MCF2L: variants seen among roughly 807,000 people sequenced by gnomAD.
MCF2L encodes guanine nucleotide exchange factor DBS.
MCF2L carries 97 observed loss-of-function variants against 153.4 expected under a neutral mutation model. The observed-to-expected ratio is 0.63, with a 90% confidence interval of 0.54 to 0.75. MCF2L has a LOEUF of 0.75. MCF2L is among the 30% of genes least tolerant of loss of function. The pLI, the probability that MCF2L is intolerant of heterozygous loss-of-function variation, is 0.00. For synonymous variants in MCF2L, 659 were observed against 632.2 expected (o/e 1.04, Z -0.64); for missense variants, 1,347 against 1,495.2 (o/e 0.90, Z 1.64).
intron 26 of MCF2L, among the ~76,000 whole-genome samples, chr13:113,091,417 G>A (rs902918799): frequency 2.0e-5 from 3 of 152,246 alleles, no homozygotes; most frequent in African/African-American, 7.2e-5. Flanking sequence ...TCTATCTGGA[G>A]CCTGCGGAAC....
intron 1 of MCF2L, among the ~76,000 whole-genome samples, chr13:112,898,147 G>T (rs544878872): frequency 1.3e-5 from 2 of 152,214 alleles, no homozygotes; most frequent in Non-Finnish European, 2.9e-5. Context: ...AGTGGAAGCC[G>T]TGTGGCAGCG....
At chr13:113,055,370 C>CA (rs1555376510) in intron 4 of MCF2L, among the ~76,000 whole-genome samples, 5 of 13,512 alleles carry the variant, frequency 3.7e-4, no homozygotes, top group Admixed American at 6.8e-4. Flanking sequence ...GAGACGTGGA[C>CA]CCCCCCCCCC....
chr13:112,917,722 C>T lies in MCF2L; in HGVS notation c.169+15351C>T, dbSNP rs1420602596. On this transcript the variant is annotated intron_variant, in intron 2 of 29. Coordinates refer to the MCF2L transcript ENST00000375608. ...TGGTGTCTTCCTGTTCAGCTCTGAC[C>T]TGGAGGTACTTCCACTGGATGGGTA... 3.9e-5 allele frequency among the ~76,000 whole-genome samples: 6 copies of T among 152,356 alleles called. No homozygotes were observed. The East Asian group carries it at 1.2e-3, about 29-fold the overall frequency.
rs751395235 is a variant in MCF2L at position 113,028,864 on chromosome 13, C to T, written c.278+4106C>T. Among the ~76,000 whole-genome samples the T allele has an allele frequency of 4.8e-5, 7 of 145,986 alleles. No homozygotes were observed. Among genetic ancestry groups the T allele is most frequent in the Non-Finnish European group, 9.0e-5 (6 of 66,306 alleles). ...GAGTGTGTGGTGTGTGTGGCGTGTG[C>T]GGGGTGTGTGTGGGGTATGTGTGGT... On this transcript the variant is annotated intron_variant, in intron 3 of 29. Transcript: ENST00000535094. This position sits in a 1 kb window ranked among gnomAD's most constrained non-coding sequence, Gnocchi z 5.4.
rs572651355 is a variant in MCF2L, at chr13:112,915,123, A to G, written c.169+12752A>G. Among the ~76,000 whole-genome samples the G allele has an allele frequency of 1.2e-4, 19 of 152,146 alleles. 1 individual carries two copies. Among genetic ancestry groups the G allele is most frequent in the African/African-American group, 3.9e-4 (16 of 41,492 alleles). ...CCTAACATCGTTCATCAAAATCTCC[A>G]TGTTGGCCGGGCGTGGTGGCTCAAG... On this transcript the variant is annotated intron_variant, in intron 2 of 29. Coordinates refer to the MCF2L transcript ENST00000375608.
intron 4 of MCF2L, among the ~76,000 whole-genome samples, chr13:113,059,152 G>A (rs2030932187): frequency 6.6e-6 from 1 of 152,226 alleles, no homozygotes; most frequent in South Asian, 2.1e-4. Context: ...GTTGGAACTT[G>A]GGGTGCGCGA....
chr13:112,958,866 C>T (rs953648634), intron 2 of MCF2L, among the ~76,000 whole-genome samples: 26 of 152,158 alleles, frequency 1.7e-4, no homozygotes, highest in African/African-American at 4.8e-4. Flanking sequence ...GAGACCCTCC[C>T]GCACAGGGTC....
chr13:113,058,917 G>GTGTTTCGGCAC (rs2030857105), intron 4 of MCF2L, among the ~76,000 whole-genome samples: 2 of 148,574 alleles, frequency 1.3e-5, no homozygotes, highest in African/African-American at 5.0e-5. Flanking sequence ...TAGGTGCTGA[G>GTGTTTCGGCAC]TGTTTGGGTG....
intron 3 of MCF2L, among the ~76,000 whole-genome samples, chr13:113,041,622 T>TA (rs1483886358): frequency 2.0e-5 from 3 of 152,152 alleles, no homozygotes; most frequent in Non-Finnish European, 4.4e-5. Context: ...GAGGAGGTGC[T>TA]AGGGGCTCTT....
At chr13:112,954,454 A>G (rs2081733225) in intron 2 of MCF2L, among the ~76,000 whole-genome samples, 1 of 152,222 alleles carries the variant, frequency 6.6e-6, no homozygotes, top group African/African-American at 2.4e-5. Context: ...TGCGATGTGG[A>G]GGACCTGCGG....
rs9603992 is a variant in MCF2L at position 112,904,285 on chromosome 13, C to A, written c.169+1914C>A. Among the ~76,000 whole-genome samples, 1 of 151,908 alleles carries A rather than the reference C, an allele frequency of 6.6e-6. No homozygotes were observed. Among genetic ancestry groups the A allele is most frequent in the Non-Finnish European group, 1.5e-5 (1 of 67,962 alleles). On this transcript the variant is annotated intron_variant, in intron 2 of 29. Transcript: ENST00000375608. The surrounding 1 kb of genome is among the most constrained non-coding windows in gnomAD (Gnocchi z 4.2). ...ACCAAGTGCTCCTATTATTTCTCAA[C>A]GTACCGAGCTCTCCCAGGCTCAGGA...
At chr13:112,936,124 A>C (rs1315488076) in intron 2 of MCF2L, among the ~76,000 whole-genome samples, 1 of 152,104 alleles carries the variant, frequency 6.6e-6, no homozygotes, top group Non-Finnish European at 1.5e-5. Flanking sequence ...TACTAAAAAT[A>C]CAAAAATTAG....
chr13:112,913,691 T>A (rs1265406602), intron 2 of MCF2L, among the ~76,000 whole-genome samples: 1 of 151,946 alleles, frequency 6.6e-6, no homozygotes, highest in Non-Finnish European at 1.5e-5. Flanking sequence ...GCCCCAGGGC[T>A]TAGTGCCCTG....
rs2085370862 is a variant in MCF2L, at chr13:113,027,257, T to C, written c.278+2499T>C. On this transcript the variant is annotated intron_variant, in intron 3 of 29. Coordinates refer to ENST00000535094, the MANE Select transcript of MCF2L (RefSeq NM_001112732.3). The surrounding 1 kb of genome is among the most constrained non-coding windows in gnomAD (Gnocchi z 4.8). ...TCGGCCTGACCTGGAAAGCAGCACA[T>C]TGATCCCCTGATAAATATCACATAA... 6.6e-6 allele frequency among the ~76,000 whole-genome samples: 1 copy of C among 152,082 alleles called. No individual in the cohort carries two copies. Among genetic ancestry groups the C allele is most frequent in the African/African-American group, 2.4e-5 (1 of 41,396 alleles).
intron 1 of MCF2L, among the ~76,000 whole-genome samples, chr13:112,997,453 G>A (rs1328637517): frequency 6.6e-6 from 1 of 152,208 alleles, no homozygotes; most frequent in Non-Finnish European, 1.5e-5. Context: ...GCAGAGTGGG[G>A]GGCATGGGTG....
At chr13:112,908,620 G>A (rs778531130) in intron 2 of MCF2L, among the ~76,000 whole-genome samples, 7 of 152,122 alleles carry the variant, frequency 4.6e-5, no homozygotes, top group Non-Finnish European at 7.4e-5. Flanking sequence ...GATTAAAGTC[G>A]GATTTCTCCT....
chr13:112,914,043 G>A (rs1050187448), intron 2 of MCF2L, among the ~76,000 whole-genome samples: 4 of 152,168 alleles, frequency 2.6e-5, no homozygotes, highest in Admixed American at 1.3e-4. Flanking sequence ...CCCCCTGTGA[G>A]CCAGCCTGGG....
At chr13:113,021,194 G>A (rs2084863899) in intron 2 of MCF2L, among the ~76,000 whole-genome samples, 1 of 152,036 alleles carries the variant, frequency 6.6e-6, no homozygotes, top group African/African-American at 2.4e-5. Context: ...ATGTATCTGT[G>A]TATAGCTGTG....
At chr13:112,940,447 CG>C (rs1329854110) in intron 2 of MCF2L, among the ~76,000 whole-genome samples, 2 of 152,194 alleles carry the variant, frequency 1.3e-5, no homozygotes, top group East Asian at 3.9e-4. Context: ...AGTCACTTCC[CG>C]TGGTCGGGTG....
Sources: allele counts gnomAD v4.1 joint callset (sites outside exome capture counted in the v4.1 genomes callset), GRCh38; gene constraint gnomAD v4.1.1; non-coding constraint Gnocchi (gnomAD v3.1); transcripts MANE v1.5; gene names NCBI Gene and HGNC (gene_info 2026-07-23, HGNC 2026-07-21).